FHIP2A: variants seen among roughly 807,000 people sequenced by gnomAD.
FHIP2A encodes FHF complex subunit HOOK interacting protein 2A, also known as family with sequence similarity 160 member B1.
A neutral mutation model predicts 93.5 loss-of-function variants in FHIP2A; 46 were observed. The ratio of observed to expected loss-of-function variants is 0.49; its 90% CI spans 0.39 to 0.63. FHIP2A has a LOEUF of 0.63. Ranked by LOEUF, FHIP2A falls within the 20% of genes least tolerant of loss-of-function variation. The pLI is 0.00. For missense variants in FHIP2A, 769 were observed against 909.7 expected (o/e 0.85, Z 1.99); for synonymous variants, 332 against 326.5 (o/e 1.02, Z -0.18).
At chr10:114,896,482 C>T (rs1474749916) in intron 16 of FHIP2A, among the ~76,000 whole-genome samples, 1 of 152,216 alleles carries the variant, frequency 6.6e-6, no homozygotes, top group Non-Finnish European at 1.5e-5. Context: ...AAGCTGGAAA[C>T]TGCTTAGGGC....
At chr10:114,833,447 A>T (rs367953662) in intron 3 of FHIP2A, 45 bp downstream of exon 3, 3 of 1,519,310 alleles carry the variant, frequency 2.0e-6, no homozygotes, top group Non-Finnish European at 2.7e-6. Flanking sequence ...TAGTACATGC[A>T]TTAATGTCTT....
chr10:114,855,304 A>G lies in FHIP2A; in HGVS notation c.1911A>G (p.Lys637=). 1 of 1,614,046 alleles carries G rather than the reference A, an allele frequency of 6.2e-7. No homozygotes were observed. Among genetic ancestry groups the G allele is most frequent in the African/African-American group, 1.3e-5 (1 of 75,068 alleles). The change falls in exon 14 of 17, where the codon AAA becomes AAG. Residue 637 remains lysine, a synonymous_variant. Coordinates refer to ENST00000369248, the MANE Select transcript of FHIP2A (RefSeq NM_020940.4). The stretch of plus-strand genomic sequence containing the variant: ...CTTTCTTTGAAGGTCATTTTTTGAA[A>G]GTGCTGTTCGACAGAATGGGAAGAA... ...EAAFFEGHFL[K]VLFDRMGRIL...
intron 1 of FHIP2A, among the ~76,000 whole-genome samples, chr10:114,827,518 C>A (rs951144567): frequency 6.6e-6 from 1 of 152,118 alleles, no homozygotes; most frequent in African/African-American, 2.4e-5. Flanking sequence ...AAGGCATAGG[C>A]CGGGCCCGGT....
At chr10:114,839,692 C>T (rs1442060087) in intron 5 of FHIP2A, among the ~76,000 whole-genome samples, 1 of 151,638 alleles carries the variant, frequency 6.6e-6, no homozygotes, top group Non-Finnish European at 1.5e-5. Context: ...ATCATCCTGG[C>T]TAACACAGTG....
chr10:114,860,958 G>A, intron 15 of FHIP2A, 69 bp downstream of exon 15: 1 of 1,426,620 alleles, frequency 7.0e-7, no homozygotes, highest in Non-Finnish European at 9.9e-7. Flanking sequence ...TAATATCATT[G>A]TATGCAGTTA....
chr10:114,873,563 C>T (rs1442176546), intron 16 of FHIP2A, among the ~76,000 whole-genome samples: 1 of 152,132 alleles, frequency 6.6e-6, no homozygotes, highest in Non-Finnish European at 1.5e-5. Context: ...CTGCAAAAAA[C>T]TGTTTGGAAT....
In FHIP2A at chr10:114,863,270, A is replaced by G. The variant is rs2083811052; in HGVS notation, c.*1730A>G. 7 of 984,082 alleles carry G rather than the reference A, an allele frequency of 7.1e-6. No homozygotes were observed. Among genetic ancestry groups the G allele is most frequent in the African/African-American group, 1.7e-5 (1 of 57,346 alleles). The allele number at this position is 984,082 out of a possible 1,614,324, so 61.0% of individuals were successfully genotyped here. ...TGCTGTATTTTTTTAATCACTTCAT[A>G]CAAGGAAAACTTCGACATTTACATT... is the stretch of plus-strand genomic sequence containing the variant. On this transcript the variant is annotated 3_prime_UTR_variant, in exon 17 of 17. Coordinates refer to ENST00000369248, the MANE Select transcript of FHIP2A (RefSeq NM_020940.4).
At chr10:114,848,835 T>A in intron 13 of FHIP2A, 98 bp downstream of exon 13, 1 of 761,118 alleles carries the variant, frequency 1.3e-6, no homozygotes, top group Non-Finnish European at 2.2e-6. Context: ...AGGAAATGAC[T>A]TCATTCTTAT....
At chr10:114,881,607 T>C (rs2083917369) in intron 16 of FHIP2A, among the ~76,000 whole-genome samples, 1 of 152,134 alleles carries the variant, frequency 6.6e-6, no homozygotes, top group Non-Finnish European at 1.5e-5. Flanking sequence ...AGAAGCCTGC[T>C]GGGATGTAAG....
chr10:114,849,464 C>T (rs2083721731), intron 13 of FHIP2A, among the ~76,000 whole-genome samples: 1 of 152,152 alleles, frequency 6.6e-6, no homozygotes, highest in Non-Finnish European at 1.5e-5. Flanking sequence ...GGAATTTCAC[C>T]TTTCTACCTC....
At chr10:114,822,305 C>T (rs1198089083) in intron 1 of FHIP2A, among the ~76,000 whole-genome samples, 182 bp downstream of exon 1, 3 of 151,394 alleles carry the variant, frequency 2.0e-5, no homozygotes, top group African/African-American at 7.3e-5. Context: ...CCCGGGGCCT[C>T]GGGCCTGGCT....
At chr10:114,848,267 C>T (rs1459639678) in intron 12 of FHIP2A, among the ~76,000 whole-genome samples, 3 of 152,134 alleles carry the variant, frequency 2.0e-5, no homozygotes, top group African/African-American at 7.2e-5. Context: ...AGTTCAATTA[C>T]TTAAAACCAG....
At chr10:114,844,081 T>G (rs1264963282) in intron 7 of FHIP2A, 144 bp downstream of exon 7, 2 of 569,764 alleles carry the variant, frequency 3.5e-6, no homozygotes, top group African/African-American at 3.8e-5. Flanking sequence ...TTCTTGAAGC[T>G]TGTATTAATC....
At chr10:114,885,425 A>T (rs2083938200) in intron 16 of FHIP2A, among the ~76,000 whole-genome samples, 1 of 151,746 alleles carries the variant, frequency 6.6e-6, no homozygotes, top group South Asian at 2.1e-4. Flanking sequence ...AAAAAAAAGC[A>T]GATGACCCTT....
intron 5 of FHIP2A, among the ~76,000 whole-genome samples, chr10:114,837,509 C>T (rs1056587668): frequency 6.6e-5 from 10 of 152,242 alleles, no homozygotes; most frequent in African/African-American, 1.9e-4. Flanking sequence ...TGTGAGACTC[C>T]GTCTCAAATA....
intron 5 of FHIP2A, among the ~76,000 whole-genome samples, chr10:114,839,280 C>A (rs1218572783): frequency 6.6e-6 from 1 of 152,006 alleles, no homozygotes; most frequent in African/African-American, 2.4e-5. Flanking sequence ...GTGCGCACCA[C>A]CACGCCCGGC....
At chr10:114,875,738 A>AAGAAAGAAAGAAAG (rs757247743) in intron 16 of FHIP2A, among the ~76,000 whole-genome samples, 3 of 141,876 alleles carry the variant, frequency 2.1e-5, no homozygotes, top group Non-Finnish European at 4.5e-5. Flanking sequence ...AAGAGAGAGA[A>AAGAAAGAAAGAAAG]AGAAAGAAAG....
At chr10:114,866,342 A>G (rs2083829235), downstream of FHIP2A, among the ~76,000 whole-genome samples, 1 of 152,198 alleles carries the variant, frequency 6.6e-6, no homozygotes, top group Non-Finnish European at 1.5e-5. Context: ...TATATACACT[A>G]CATTTTCTTT....
intron 16 of FHIP2A, among the ~76,000 whole-genome samples, chr10:114,887,602 G>A (rs777281731): frequency 1.6e-4 from 24 of 152,310 alleles, no homozygotes; most frequent in South Asian, 1.0e-3. Context: ...CTATGTTGCC[G>A]TTCATTAGTT....
Sources: gnomAD v4.1 joint callset for allele counts (sites outside exome capture counted in the v4.1 genomes callset) on GRCh38, gnomAD v4.1.1 for gene constraint, MANE v1.5 for transcripts, NCBI Gene and HGNC (gene_info 2026-07-23, HGNC 2026-07-21) for gene names.